Variants in DLGAP1 observed in about 807,000 individuals in gnomAD.
DLGAP1 encodes DLG associated protein 1.
DLGAP1 carries 11 observed loss-of-function variants against 90.8 expected under a neutral mutation model. The observed-to-expected ratio is 0.12, with a 90% CI of 0.08 to 0.20. The LOEUF is 0.20. DLGAP1 is among the 10% of genes least tolerant of loss of function. DLGAP1 has a pLI of 1.00. For synonymous variants in DLGAP1, 558 were observed against 540.7 expected (o/e 1.03, Z -0.44); for missense variants, 1,050 against 1,333.8 (o/e 0.79, Z 3.31).
rs989612252 is a variant in DLGAP1, at chr18:4,259,077, C to T, written c.-266-107790G>A. ...TTCGTTGTACATACGTGCAGGACAT[C>T]CGTGATTTTTGTTTTAACCGTGCCT... On this transcript the variant is annotated intron_variant, in intron 1 of 12. Transcript: ENST00000315677. 1.1e-4 allele frequency among the ~76,000 whole-genome samples: 16 copies of T among 152,174 alleles called. 1 individual carries two copies. The highest frequency in any genetic ancestry group is 2.9e-5 in the Non-Finnish European group (2 of 68,052).
chr18:4,117,503 C>A (rs1467879063), intron 2 of DLGAP1, among the ~76,000 whole-genome samples: 1 of 152,172 alleles, frequency 6.6e-6, no homozygotes, highest in East Asian at 1.9e-4. Context: ...CAGTGTGCAG[C>A]CTCGTGTTTA....
At chr18:3,895,019 C>G (rs1599124229) in intron 3 of DLGAP1, among the ~76,000 whole-genome samples, 1 of 152,106 alleles carries the variant, frequency 6.6e-6, no homozygotes, top group African/African-American at 2.4e-5. Flanking sequence ...GAGATGTTGC[C>G]TGTCTCAGCA....
chr18:4,361,161 T>TC (rs2081622647), intron 1 of DLGAP1, among the ~76,000 whole-genome samples: 1 of 152,128 alleles, frequency 6.6e-6, no homozygotes, highest in Non-Finnish European at 1.5e-5. Context: ...GAAATTAATA[T>TC]CTTAATAATA....
rs60379984 is a variant in DLGAP1 at position 4,354,887 on chromosome 18, C to CAAAAAA, written c.-267+100113_-267+100118dup. ...TGGCTTTTTCTGCAATTACTCTCAC[C>CAAAAAA]AAAAAAAAAAAAAAAAAAAAAAAAA... On this transcript the variant is annotated intron_variant, in intron 1 of 12. Coordinates refer to ENST00000315677, the MANE Select transcript of DLGAP1 (RefSeq NM_004746.4). Among the ~76,000 whole-genome samples the CAAAAAA allele has an allele frequency of 3.4e-4, 8 of 23,874 alleles. 1 individual carries two copies. The highest frequency in any genetic ancestry group is 8.9e-4 in the African/African-American group (8 of 8,960). 15.7% of individuals were successfully genotyped at this position (23,874 alleles called of 152,430 possible).
rs552648166 is a variant in DLGAP1 at position 4,162,061 on chromosome 18, C to T, written c.-266-10774G>A. On this transcript the variant is annotated intron_variant, in intron 1 of 12. Transcript: ENST00000315677. ...ACATTCAACAAATACTGAGTGGTTA[C>T]CTGTGCCAGACAATGTTCTAGATGC... 2.0e-5 allele frequency among the ~76,000 whole-genome samples: 3 copies of T among 152,258 alleles called. No individual in the cohort carries two copies. The East Asian group carries it at 5.8e-4, about 29-fold the overall frequency.
In DLGAP1 at chr18:3,729,335, CACACGGACTCGA is replaced by C; in HGVS notation, c.1379_1390del (p.Phe460_Val463del). On this transcript the variant is annotated inframe_deletion, in exon 7 of 13. Transcript: ENST00000315677. This position sits in a 1 kb window ranked among gnomAD's most constrained non-coding sequence, Gnocchi z 6.2. ...CTCCAGCTCGCTGAACACGGACTCG[CACACGGACTCGA>C]ACTGCCCGTTCACTTCCATCTCGCT... The C allele has an allele frequency of 6.2e-7, 1 of 1,613,954 alleles. No individual in the cohort carries two copies. Among genetic ancestry groups the C allele is most frequent in the Non-Finnish European group, 8.5e-7 (1 of 1,179,848 alleles).
chr18:3,757,652 C>T (rs544013965), intron 5 of DLGAP1, among the ~76,000 whole-genome samples: 21 of 152,248 alleles, frequency 1.4e-4, no homozygotes, highest in African/African-American at 4.1e-4. Context: ...CCCACAAGAT[C>T]GTCTCACATA....
intron 3 of DLGAP1, among the ~76,000 whole-genome samples, chr18:3,883,128 C>A (rs1192525036): frequency 6.6e-6 from 1 of 152,180 alleles, no homozygotes; most frequent in East Asian, 1.9e-4. Context: ...CCTGTAATAT[C>A]AGCTACTTGG....
intron 8 of DLGAP1, chr18:3,580,795 G>A (rs1331641514): frequency 2.5e-6 from 4 of 1,594,912 alleles, no homozygotes; most frequent in Non-Finnish European, 3.4e-6. Flanking sequence ...CAGGGGTGGT[G>A]CCGAAGCGTC....
At chr18:3,756,607 A>T (rs1413707585) in intron 5 of DLGAP1, among the ~76,000 whole-genome samples, 1 of 152,164 alleles carries the variant, frequency 6.6e-6, no homozygotes, top group African/African-American at 2.4e-5. Context: ...AATGAAGCAT[A>T]TAATAGCTAT....
chr18:3,603,531 C>T (rs1186019018), intron 7 of DLGAP1: 1 of 152,134 alleles, frequency 6.6e-6, no homozygotes, highest in Non-Finnish European at 1.5e-5. Context: ...AAAAGAGGCT[C>T]AAGCTGATGA....
chr18:3,636,080 C>CCTCTT (rs1359232752), intron 7 of DLGAP1, among the ~76,000 whole-genome samples: 3 of 151,266 alleles, frequency 2.0e-5, no homozygotes, highest in Non-Finnish European at 4.4e-5. Flanking sequence ...ATACCTTTCG[C>CCTCTT]TCTTTTCTCA....
At chr18:4,297,282 C>A (rs2080007203) in intron 1 of DLGAP1, among the ~76,000 whole-genome samples, 1 of 151,978 alleles carries the variant, frequency 6.6e-6, no homozygotes, top group Non-Finnish European at 1.5e-5. Context: ...TGAAGACATC[C>A]TCTCTTCCCA....
intron 1 of DLGAP1, among the ~76,000 whole-genome samples, chr18:4,253,929 G>C (rs946568354): frequency 6.6e-6 from 1 of 152,122 alleles, no homozygotes; most frequent in Non-Finnish European, 1.5e-5. Flanking sequence ...TCAGTTCTCA[G>C]GTTTGGCAGC....
chr18:3,566,926 A>G (rs2054458710), intron 9 of DLGAP1, among the ~76,000 whole-genome samples: 2 of 152,102 alleles, frequency 1.3e-5, no homozygotes, highest in African/African-American at 4.8e-5. Flanking sequence ...TTGACCCCAA[A>G]TTCTGTAATT....
At chr18:3,531,831 G>T (rs1407718127) in intron 10 of DLGAP1, among the ~76,000 whole-genome samples, 6 of 152,010 alleles carry the variant, frequency 3.9e-5, no homozygotes, top group Non-Finnish European at 8.8e-5. Flanking sequence ...AGCTACATAG[G>T]GAAGTGACAC....
intron 5 of DLGAP1, among the ~76,000 whole-genome samples, chr18:3,749,909 A>G (rs1172875850): frequency 6.6e-6 from 1 of 152,180 alleles, no homozygotes; most frequent in Non-Finnish European, 1.5e-5. Context: ...GCTGATAATC[A>G]TATTTTCTTG....
chr18:3,965,960 A>AAAT (rs2073320875), intron 3 of DLGAP1, among the ~76,000 whole-genome samples: 1 of 150,436 alleles, frequency 6.6e-6, no homozygotes, highest in African/African-American at 2.5e-5. Flanking sequence ...AAAAAAAAAT[A>AAAT]GAGTACAGCT....
chr18:4,001,849 T>C (rs1057259272), intron 3 of DLGAP1, among the ~76,000 whole-genome samples: 5 of 152,172 alleles, frequency 3.3e-5, no homozygotes, highest in Non-Finnish European at 7.4e-5. Flanking sequence ...GCGGCAGGAC[T>C]CTAGGGGTTT....
Sources: allele counts gnomAD v4.1 joint callset (sites outside exome capture counted in the v4.1 genomes callset), GRCh38; gene constraint gnomAD v4.1.1; non-coding constraint Gnocchi (gnomAD v3.1); transcripts MANE v1.5; gene names NCBI Gene and HGNC (gene_info 2026-07-23, HGNC 2026-07-21).